Variants in ADAMTSL1 observed in about 807,000 individuals in gnomAD.
ADAMTSL1 encodes the protein ADAMTS-like protein 1.
ADAMTSL1 carries 126 observed loss-of-function variants against 201.8 expected under a neutral mutation model. The ratio of observed to expected loss-of-function variants is 0.62; its 90% CI spans 0.54 to 0.72. The LOEUF is 0.72. Ranked by LOEUF, ADAMTSL1 falls within the 30% of genes least tolerant of loss-of-function variation. ADAMTSL1 has a pLI of 0.00. For synonymous variants in ADAMTSL1, 1,121 were observed against 903.4 expected (o/e 1.24, Z -4.32); for missense variants, 2,679 against 2,277.8 (o/e 1.18, Z -3.59).
At chr9:18,842,866 T>G (rs541583114) in intron 23 of ADAMTSL1, among the ~76,000 whole-genome samples, 6 of 152,162 alleles carry the variant, frequency 3.9e-5, no homozygotes, top group South Asian at 2.1e-4. Context: ...ACCCCTGCCT[T>G]TTTTGTTTTC....
At chr9:18,098,318 T>C (rs1824345059) in intron 1 of ADAMTSL1, among the ~76,000 whole-genome samples, 1 of 152,168 alleles carries the variant, frequency 6.6e-6, no homozygotes, top group African/African-American at 2.4e-5. Context: ...AGGTTTATAA[T>C]CAGTTTATTC....
At chr9:18,503,441 A>ATATATATATATATATATATATAT (rs1822953348) in intron 1 of ADAMTSL1, among the ~76,000 whole-genome samples, 1 of 146,086 alleles carries the variant, frequency 6.8e-6, no homozygotes, top group Non-Finnish European at 1.5e-5. Flanking sequence ...ATATATATAT[A>ATATATATATATATATATATATAT]CCACATTTTG....
At chr9:18,786,264 C>G (rs1379562663) in intron 19 of ADAMTSL1, among the ~76,000 whole-genome samples, 2 of 152,194 alleles carry the variant, frequency 1.3e-5, no homozygotes, top group Admixed American at 1.3e-4. Context: ...TGTTTTCCTT[C>G]TCTTCTGGGC....
chr9:18,659,602 A>G (rs904303888), intron 8 of ADAMTSL1, among the ~76,000 whole-genome samples: 2 of 152,192 alleles, frequency 1.3e-5, no homozygotes, highest in African/African-American at 2.4e-5. Context: ...CCCTGTCTCT[A>G]CTAAAAATAC....
At chr9:18,114,205 G>A (rs1825151873) in intron 1 of ADAMTSL1, among the ~76,000 whole-genome samples, 2 of 149,766 alleles carry the variant, frequency 1.3e-5, no homozygotes, top group African/African-American at 2.4e-5. Context: ...ATTAGTGACA[G>A]CACTTTTCAT....
At position 18,829,887 on chromosome 9, in the gene ADAMTSL1, C is replaced by T. The variant is rs1271119609; in HGVS notation, c.4159C>T (p.Leu1387Phe). 3 of 1,613,868 alleles carry T rather than the reference C, an allele frequency of 1.9e-6. No individual in the cohort carries two copies. Among genetic ancestry groups the T allele is most frequent in the Admixed American group, 1.7e-5 (1 of 60,002 alleles). ...ACAGTTGGAAGACATCAGGGCCTTGCTCGCTGCCACTGGACCGAACCTTCC... is the reference window on the plus strand; with the variant it reads ...ACAGTTGGAAGACATCAGGGCCTTGTTCGCTGCCACTGGACCGAACCTTCC... ...PTQLEDIRAL[L>F]AATGPNLPSV... Residue 1387 changes from leucine (L) to phenylalanine (F), a missense_variant, in exon 23 of 29, where the codon CTC becomes TTC. Coordinates refer to ENST00000380548, the MANE Select transcript of ADAMTSL1 (RefSeq NM_001040272.6).
At chr9:18,313,764 A>G (rs1258897934) in intron 2 of ADAMTSL1, among the ~76,000 whole-genome samples, 1 of 152,154 alleles carries the variant, frequency 6.6e-6, no homozygotes, top group African/African-American at 2.4e-5. Context: ...AAACCTCCTG[A>G]CATTGGTCTT....
At chr9:18,611,541 T>G (rs1056439510) in intron 4 of ADAMTSL1, among the ~76,000 whole-genome samples, 10 of 152,160 alleles carry the variant, frequency 6.6e-5, no homozygotes, top group Non-Finnish European at 1.5e-4. Flanking sequence ...ATGTAAGAAT[T>G]TGTCCAAGAC....
At chr9:18,817,330 G>A in intron 21 of ADAMTSL1, 93 bp downstream of exon 21, 1 of 1,308,442 alleles carries the variant, frequency 7.6e-7, no homozygotes, top group Non-Finnish European at 1.0e-6. Context: ...TCTACTCTCA[G>A]GGATATAGTG....
Position 18,680,319 on chromosome 9 carries a change from G to T in ADAMTSL1, c.1144G>T (p.Ala382Ser), listed in dbSNP as rs1041018124. The T allele has an allele frequency of 1.9e-6, 3 of 1,613,966 alleles. No homozygotes were observed. Among genetic ancestry groups the T allele is most frequent in the Non-Finnish European group, 2.5e-6 (3 of 1,179,982 alleles). Residue 382 changes from alanine to serine, a missense_variant, in exon 11 of 29, where the codon GCC becomes TCC. Transcript: ENST00000380548. Reference sequence around the variant, plus strand: ...CTCCCCTTGCTTCTGTAGGTGGGAGGCCACCCCATGGACCGCGTGCTCCTC... The same window carrying T: ...CTCCCCTTGCTTCTGTAGGTGGGAGTCCACCCCATGGACCGCGTGCTCCTC... ...DLYHPLPRWE[A>S]TPWTACSSSC...
At chr9:18,319,021 C>A (rs1468183977) in intron 2 of ADAMTSL1, among the ~76,000 whole-genome samples, 1 of 152,090 alleles carries the variant, frequency 6.6e-6, no homozygotes, top group Non-Finnish European at 1.5e-5. Flanking sequence ...CTAGCCTGGG[C>A]AATATAGCAA....
intron 23 of ADAMTSL1, among the ~76,000 whole-genome samples, chr9:18,880,047 C>T (rs1828431769): frequency 6.6e-6 from 1 of 152,198 alleles, no homozygotes; most frequent in South Asian, 2.1e-4. Context: ...ACTCCTCATC[C>T]ATTCAAGTTT....
chr9:18,202,226 T>A (rs2132278070), intron 2 of ADAMTSL1, among the ~76,000 whole-genome samples: 1 of 152,290 alleles, frequency 6.6e-6, no homozygotes, highest in East Asian at 1.9e-4. Context: ...GCTTCCAACA[T>A]ATTAAAGCTG....
intron 2 of ADAMTSL1, among the ~76,000 whole-genome samples, chr9:18,225,285 C>T (rs1258951747): frequency 1.3e-5 from 2 of 152,122 alleles, no homozygotes; most frequent in African/African-American, 4.8e-5. Context: ...AAGCAAAGGA[C>T]ATCTTATAGC....
chr9:18,026,328 A>G (rs551059907), intron 1 of ADAMTSL1, among the ~76,000 whole-genome samples: 8 of 152,174 alleles, frequency 5.3e-5, no homozygotes, highest in African/African-American at 1.9e-4. Flanking sequence ...ATTCAGCATG[A>G]TGTTGACTGT....
intron 1 of ADAMTSL1, among the ~76,000 whole-genome samples, chr9:18,129,267 G>A (rs1015918956): frequency 3.3e-5 from 5 of 152,156 alleles, no homozygotes; most frequent in African/African-American, 9.7e-5. Flanking sequence ...CTTCCTGGGA[G>A]TCCATATTAT....
chr9:18,835,252 C>A (rs1742880823), intron 23 of ADAMTSL1, among the ~76,000 whole-genome samples: 1 of 152,010 alleles, frequency 6.6e-6, no homozygotes, highest in African/African-American at 2.4e-5. Context: ...TGTTTATTTG[C>A]CATCCTGATT....
chr9:18,718,371 A>T lies in ADAMTSL1; in HGVS notation c.1877-3165A>T. On this transcript the variant is annotated intron_variant, in intron 14 of 28. Coordinates refer to ENST00000380548, the MANE Select transcript of ADAMTSL1 (RefSeq NM_001040272.6). ...CGTTCCTGCAGTATCCAAGATTGCA[A>T]GCATACACTGCTGTGCATCTACTTC... 4 of 725,386 alleles carry T rather than the reference A, an allele frequency of 5.5e-6. No homozygotes were observed. In the Admixed American group the frequency reaches 7.1e-5, roughly 13 times the overall value. 44.9% of individuals were successfully genotyped at this position (725,386 alleles called of 1,614,324 possible).
intron 1 of ADAMTSL1, among the ~76,000 whole-genome samples, chr9:17,987,120 C>T (rs993372399): frequency 4.6e-5 from 7 of 151,924 alleles, no homozygotes; most frequent in African/African-American, 1.4e-4. Flanking sequence ...TCTGAGTTTT[C>T]GGAGAGTATC....
Sources: allele counts gnomAD v4.1 joint callset (sites outside exome capture counted in the v4.1 genomes callset), GRCh38; gene constraint gnomAD v4.1.1; transcripts MANE v1.5; gene names NCBI Gene and HGNC (gene_info 2026-07-23, HGNC 2026-07-21).